Variants in MTMR12 observed in about 807,000 individuals in gnomAD.
MTMR12 encodes myotubularin related protein 12.
Under a neutral mutation model 96.7 loss-of-function variants are expected in MTMR12, and 33 were observed. The ratio of observed to expected loss-of-function variants is 0.34; its 90% CI spans 0.26 to 0.46. MTMR12 has a LOEUF of 0.46. Ranked by LOEUF, MTMR12 falls within the 20% of genes least tolerant of loss-of-function variation. The pLI, the probability that MTMR12 is intolerant of heterozygous loss-of-function variation, is 1.00. For synonymous variants in MTMR12, 298 were observed against 327.2 expected (o/e 0.91, Z 0.96); for missense variants, 721 against 896.1 (o/e 0.80, Z 2.49).
In MTMR12 at chr5:32,289,148, G is replaced by A. The variant is rs1750652500; in HGVS notation, c.82-12406C>T. Among the ~76,000 whole-genome samples the A allele has an allele frequency of 2.0e-5, 3 of 152,204 alleles. No homozygotes were observed. In the South Asian group the frequency reaches 6.2e-4, roughly 32 times the overall value. The stretch of plus-strand genomic sequence containing the variant: ...CGTAGCTACTGTAATGGATGGTAGA[G>A]ACAAAGCAGCAATCAGAATAGTCTG... On this transcript the variant is annotated intron_variant, in intron 1 of 15. Transcript: ENST00000382142.
At chr5:32,270,694 A>C (rs1266966742) in intron 5 of MTMR12, 123 bp downstream of exon 5, 1 of 1,107,702 alleles carries the variant, frequency 9.0e-7, no homozygotes, top group Non-Finnish European at 1.3e-6. Flanking sequence ...ATGGGATTAC[A>C]ACCAATTTCA....
Position 32,233,135 on chromosome 5 carries a change from G to T in MTMR12, c.1674+638C>A. 2.5e-6 allele frequency: 1 copy of T among 399,984 alleles called. No homozygotes were observed. Among genetic ancestry groups the T allele is most frequent in the Non-Finnish European group, 3.4e-6 (1 of 295,164 alleles). The allele number at this position is 399,984 out of a possible 1,614,324, so 24.8% of individuals were successfully genotyped here. A position where few individuals can be genotyped will look rare whatever the true frequency, so the allele number is the denominator to read the frequency against. The stretch of plus-strand genomic sequence containing the variant: ...AGGTCAGCAAACTGGCCACCCCTCC[G>T]GCCAAATCTGGCCTGGCGCCTGTTC... On this transcript the variant is annotated intron_variant, in intron 15 of 15. Coordinates refer to ENST00000382142, the MANE Select transcript of MTMR12 (RefSeq NM_001040446.3). This position sits in a 1 kb window ranked among gnomAD's most constrained non-coding sequence, Gnocchi z 5.0.
At position 32,227,154 on chromosome 5, in the gene MTMR12, T is replaced by G. The variant is rs1747768961; in HGVS notation, c.*2624A>C. 6.6e-6 allele frequency: 1 copy of G among 152,638 alleles called. No individual in the cohort carries two copies. The highest frequency in any genetic ancestry group is 2.1e-4 in the South Asian group (1 of 4,832). 9.5% of individuals were successfully genotyped at this position (152,638 alleles called of 1,614,324 possible). On this transcript the variant is annotated 3_prime_UTR_variant, in exon 16 of 16. Transcript: ENST00000382142. ...ATTCCCTTATAAAGAAAAAAAAAGTTTTGAATTAAAGCTAGTTTATCTTCA... is the reference window on the plus strand; with the variant it reads ...ATTCCCTTATAAAGAAAAAAAAAGTGTTGAATTAAAGCTAGTTTATCTTCA...
chr5:32,297,924 C>A (rs1750988837), intron 1 of MTMR12, among the ~76,000 whole-genome samples: 1 of 152,166 alleles, frequency 6.6e-6, no homozygotes, highest in African/African-American at 2.4e-5. Flanking sequence ...TAAGGACCTG[C>A]CTCAGGAAGC....
intron 6 of MTMR12, among the ~76,000 whole-genome samples, chr5:32,268,457 A>G (rs554420200): frequency 6.6e-6 from 1 of 152,004 alleles, no homozygotes; most frequent in Non-Finnish European, 1.5e-5. Flanking sequence ...GCAGTGGGCC[A>G]AAATCATGCC....
At position 32,227,910 on chromosome 5, in the gene MTMR12, AT is replaced by A. The variant is rs1301989526; in HGVS notation, c.*1867del. 6.5e-6 allele frequency: 1 copy of A among 152,704 alleles called. No individual in the cohort carries two copies. The highest frequency in any genetic ancestry group is 1.5e-5 in the Non-Finnish European group (1 of 68,084). The allele number at this position is 152,704 out of a possible 1,614,324, so 9.5% of individuals were successfully genotyped here. On this transcript the variant is annotated 3_prime_UTR_variant, in exon 16 of 16. Coordinates refer to ENST00000382142, the MANE Select transcript of MTMR12 (RefSeq NM_001040446.3). The stretch of plus-strand genomic sequence containing the variant: ...CCTAACAGACCAACCTGGCTCCTGC[AT>A]TAATATGGAGTGGGGAGAACAGCAA...
At chr5:32,296,843 C>T (rs1403950837) in intron 1 of MTMR12, among the ~76,000 whole-genome samples, 1 of 151,024 alleles carries the variant, frequency 6.6e-6, no homozygotes, top group African/African-American at 2.4e-5. Flanking sequence ...TGGCTCACGC[C>T]TGTAATCCCA....
Position 32,233,837 on chromosome 5 carries a change from T to C in MTMR12, c.1610A>G (p.Lys537Arg), listed in dbSNP as rs752802534. 1.2e-6 allele frequency: 2 copies of C among 1,614,220 alleles called. No homozygotes were observed. Among genetic ancestry groups the C allele is most frequent in the South Asian group, 1.1e-5 (1 of 91,082 alleles). Residue 537 changes from lysine to arginine, a missense_variant, in exon 15 of 16, where the codon AAA becomes AGA. Transcript: ENST00000382142. This position sits in a 1 kb window ranked among gnomAD's most constrained non-coding sequence, Gnocchi z 5.0. ...QFEPKAQTLL[K>R]NPLYVEKPKL... ...TGGCTTTTCCACATAAAGAGGGTTT[T>C]TGAGCAATGTCTGGGCTTTGGGTTC...
chr5:32,238,904 T>G, intron 13 of MTMR12, 97 bp downstream of exon 13: 1 of 1,307,472 alleles, frequency 7.6e-7, no homozygotes. Context: ...GCTTACACTT[T>G]GCAAGCAGCA....
At chr5:32,234,072 G>T in intron 14 of MTMR12, 138 bp from the exon 15 acceptor site, 1 of 1,017,360 alleles carries the variant, frequency 9.8e-7, no homozygotes, top group South Asian at 1.7e-5. Context: ...TAAGGCTGAG[G>T]CTACCTGTGG....
intron 1 of MTMR12, among the ~76,000 whole-genome samples, chr5:32,307,013 T>C (rs1467265075): frequency 2.0e-5 from 3 of 152,128 alleles, no homozygotes; most frequent in Non-Finnish European, 4.4e-5. Flanking sequence ...CATTGTGGGA[T>C]AGCAACTGAC....
chr5:32,287,951 A>T (rs918985859), intron 1 of MTMR12, among the ~76,000 whole-genome samples: 4 of 152,136 alleles, frequency 2.6e-5, no homozygotes, highest in African/African-American at 9.7e-5. Flanking sequence ...GAACTCAGGG[A>T]TTCTACCTCC....
chr5:32,241,426 G>A (rs1403774867), intron 12 of MTMR12, among the ~76,000 whole-genome samples: 1 of 152,210 alleles, frequency 6.6e-6, no homozygotes, highest in Non-Finnish European at 1.5e-5. Flanking sequence ...ATAAAAGCTT[G>A]GGGGTATAAA....
intron 1 of MTMR12, among the ~76,000 whole-genome samples, chr5:32,279,041 A>G (rs1750174445): frequency 7.6e-6 from 1 of 131,066 alleles, no homozygotes; most frequent in South Asian, 2.6e-4. Flanking sequence ...GTGCCTTTGC[A>G]CTCCGGCCTG....
chr5:32,303,898 C>G (rs1751245951), intron 1 of MTMR12, among the ~76,000 whole-genome samples: 2 of 143,902 alleles, frequency 1.4e-5, no homozygotes, highest in Non-Finnish European at 3.0e-5. Flanking sequence ...GTCACAAGCA[C>G]AACTTGATGA....
At position 32,312,866 on chromosome 5, in the gene MTMR12, C is replaced by T; in HGVS notation, c.-28G>A. ...CGCCGCCCTGGGAAGCAGCGACGCGCGGACGCAGAGGCGGCGGCTCGGGCT... is the reference window on the plus strand; with the variant it reads ...CGCCGCCCTGGGAAGCAGCGACGCGTGGACGCAGAGGCGGCGGCTCGGGCT... On this transcript the variant is annotated 5_prime_UTR_variant, in exon 1 of 16. Coordinates refer to ENST00000382142, the MANE Select transcript of MTMR12 (RefSeq NM_001040446.3). The surrounding 1 kb of genome is among the most constrained non-coding windows in gnomAD (Gnocchi z 5.0). 6.6e-7 allele frequency: 1 copy of T among 1,511,298 alleles called. No individual in the cohort carries two copies. The highest frequency in any genetic ancestry group is 1.4e-5 in the African/African-American group (1 of 69,356). 93.6% of individuals were successfully genotyped at this position (1,511,298 alleles called of 1,614,324 possible). A position where few individuals can be genotyped will look rare whatever the true frequency, so the allele number is the denominator to read the frequency against.
intron 13 of MTMR12, among the ~76,000 whole-genome samples, chr5:32,235,845 C>T (rs960287746): frequency 2.6e-5 from 4 of 152,280 alleles, no homozygotes; most frequent in African/African-American, 7.2e-5. Flanking sequence ...AAGCGCTTAT[C>T]CTCCCTGATT....
intron 1 of MTMR12, among the ~76,000 whole-genome samples, chr5:32,309,958 A>T (rs1187417350): frequency 6.6e-6 from 1 of 152,198 alleles, no homozygotes; most frequent in Non-Finnish European, 1.5e-5. Flanking sequence ...GAGGTTCCTC[A>T]AAAACTAAAA....
At chr5:32,241,872 A>G (rs1222125427) in intron 12 of MTMR12, among the ~76,000 whole-genome samples, 185 bp downstream of exon 12, 1 of 152,238 alleles carries the variant, frequency 6.6e-6, no homozygotes, top group Non-Finnish European at 1.5e-5. Flanking sequence ...AAGTGAAAGA[A>G]TTTTGTTTTA....
Sources: allele counts gnomAD v4.1 joint callset (sites outside exome capture counted in the v4.1 genomes callset), GRCh38; gene constraint gnomAD v4.1.1; non-coding constraint Gnocchi (gnomAD v3.1); transcripts MANE v1.5; gene names NCBI Gene and HGNC (gene_info 2026-07-23, HGNC 2026-07-21).